DLG2: variants seen among roughly 807,000 people sequenced by gnomAD.
The protein encoded by DLG2 is disks large homolog 2.
DLG2 carries 45 observed loss-of-function variants against 132.5 expected under a neutral mutation model. That is an observed-to-expected ratio of 0.34 (90% confidence interval 0.27 to 0.44). The LOEUF (loss-of-function observed/expected upper bound fraction) is 0.44. Ranked by LOEUF, DLG2 falls within the 20% of genes least tolerant of loss-of-function variation. The pLI is 1.00. For synonymous variants in DLG2, 424 were observed against 419.6 expected (o/e 1.01, Z -0.13); for missense variants, 1,045 against 1,196.9 (o/e 0.87, Z 1.87).
chr11:84,993,344 G>C (rs1000993698), intron 6 of DLG2, among the ~76,000 whole-genome samples: 1 of 152,156 alleles, frequency 6.6e-6, no homozygotes, highest in African/African-American at 2.4e-5. Context: ...CAGGTTGATA[G>C]GTGCTGGGGT....
intron 7 of DLG2, among the ~76,000 whole-genome samples, chr11:84,417,880 T>C (rs970626388): frequency 7.9e-5 from 12 of 152,214 alleles, no homozygotes; most frequent in African/African-American, 2.4e-4. Context: ...TTTTGTACAC[T>C]GTAACACCTG....
At chr11:83,473,240 A>AT (rs1356013835) in intron 22 of DLG2, among the ~76,000 whole-genome samples, 1 of 152,170 alleles carries the variant, frequency 6.6e-6, no homozygotes, top group African/African-American at 2.4e-5. Flanking sequence ...CATTTATGAT[A>AT]TAAAAACTTC....
intron 13 of DLG2, 54 bp from the exon 14 acceptor site, chr11:83,963,077 T>G: frequency 6.4e-7 from 1 of 1,569,040 alleles, no homozygotes; most frequent in Non-Finnish European, 8.8e-7. Flanking sequence ...TGATTCAATG[T>G]GTCATGCTAT....
intron 6 of DLG2, among the ~76,000 whole-genome samples, chr11:84,864,130 C>T (rs2084192066): frequency 1.3e-5 from 2 of 152,168 alleles, no homozygotes; most frequent in Non-Finnish European, 2.9e-5. Context: ...ACATGGGTTG[C>T]AGCTCAATTC....
At chr11:85,137,156 A>G (rs1460817714) in intron 5 of DLG2, among the ~76,000 whole-genome samples, 1 of 152,140 alleles carries the variant, frequency 6.6e-6, no homozygotes, top group Non-Finnish European at 1.5e-5. Flanking sequence ...GGCAATTTCT[A>G]GCTGAAGTGT....
chr11:83,987,869 G>T (rs1283845834), intron 11 of DLG2, among the ~76,000 whole-genome samples: 1 of 152,086 alleles, frequency 6.6e-6, no homozygotes, highest in African/African-American at 2.4e-5. Context: ...TTGCAGATTT[G>T]CATTTCTCTA....
chr11:84,721,991 AG>A (rs1196486263), intron 6 of DLG2, among the ~76,000 whole-genome samples: 10 of 152,066 alleles, frequency 6.6e-5, no homozygotes, highest in African/African-American at 2.4e-4. Context: ...TTTTTTTTCT[AG>A]GGGAAGAAAC....
At chr11:84,486,736 T>A (rs2099152016) in intron 7 of DLG2, among the ~76,000 whole-genome samples, 1 of 152,076 alleles carries the variant, frequency 6.6e-6, no homozygotes, top group Non-Finnish European at 1.5e-5. Context: ...GCTTAAAAAA[T>A]CAGCTACCCC....
At chr11:83,510,256 T>A (rs2094937028) in intron 21 of DLG2, among the ~76,000 whole-genome samples, 1 of 151,894 alleles carries the variant, frequency 6.6e-6, no homozygotes, top group African/African-American at 2.4e-5. Flanking sequence ...GAGAGGGTAT[T>A]CAGCTTTACC....
At chr11:83,793,828 T>C (rs1391564812) in intron 17 of DLG2, among the ~76,000 whole-genome samples, 1 of 152,228 alleles carries the variant, frequency 6.6e-6, no homozygotes, top group African/African-American at 2.4e-5. Context: ...TTATAAGTGA[T>C]GAAATAAAAT....
chr11:84,689,681 G>A (rs1343051621), intron 6 of DLG2, among the ~76,000 whole-genome samples: 1 of 151,982 alleles, frequency 6.6e-6, no homozygotes, highest in Non-Finnish European at 1.5e-5. Context: ...TCAGTTATAC[G>A]TCATTTTGCT....
chr11:84,139,451 C>T (rs534519618), intron 9 of DLG2, among the ~76,000 whole-genome samples: 7 of 152,080 alleles, frequency 4.6e-5, no homozygotes, highest in East Asian at 1.9e-4. Flanking sequence ...AAGAGATTGA[C>T]GCTGGTTTCT....
intron 3 of DLG2, among the ~76,000 whole-genome samples, chr11:85,518,643 C>G (rs2094216211): frequency 6.6e-6 from 1 of 152,198 alleles, no homozygotes; most frequent in South Asian, 2.1e-4. Context: ...TAAATTCAAG[C>G]TGACTGCAGA....
chr11:84,197,023 T>C (rs1207071093), intron 8 of DLG2, among the ~76,000 whole-genome samples: 2 of 110,618 alleles, frequency 1.8e-5, no homozygotes, highest in Admixed American at 2.8e-4. Context: ...GGCAACAGAG[T>C]GCGACTCTTT....
At chr11:85,306,628 T>C (rs2079961185) in intron 3 of DLG2, among the ~76,000 whole-genome samples, 1 of 152,206 alleles carries the variant, frequency 6.6e-6, no homozygotes, top group African/African-American at 2.4e-5. Context: ...TGGAATGCAG[T>C]GGTACGATCT....
At chr11:84,305,933 G>C (rs1315415489) in intron 7 of DLG2, among the ~76,000 whole-genome samples, 2 of 152,098 alleles carry the variant, frequency 1.3e-5, no homozygotes, top group South Asian at 4.2e-4. Flanking sequence ...ATTAATGTAT[G>C]GTATGGCAAT....
chr11:85,431,531 G>A (rs893568714), intron 3 of DLG2, among the ~76,000 whole-genome samples: 6 of 152,374 alleles, frequency 3.9e-5, no homozygotes, highest in African/African-American at 1.4e-4. Context: ...GTTCCCAGGG[G>A]AAGGCAGCCA....
At chr11:83,875,972 G>A (rs965551196) in intron 15 of DLG2, among the ~76,000 whole-genome samples, 2 of 152,186 alleles carry the variant, frequency 1.3e-5, no homozygotes, top group African/African-American at 4.8e-5. Flanking sequence ...GTTAAAGACT[G>A]TGTTTCCTGG....
chr11:84,081,003 A>C (rs1273396183), intron 10 of DLG2, among the ~76,000 whole-genome samples: 2 of 152,164 alleles, frequency 1.3e-5, no homozygotes, highest in Non-Finnish European at 2.9e-5. Flanking sequence ...AAAAAAAAAA[A>C]AAAAGGCATT....
Sources: allele counts gnomAD v4.1 joint callset (sites outside exome capture counted in the v4.1 genomes callset), GRCh38; gene constraint gnomAD v4.1.1; transcripts MANE v1.5; gene names NCBI Gene and HGNC (gene_info 2026-07-23, HGNC 2026-07-21).